Variants in SPATA6L observed in about 807,000 individuals in gnomAD.
SPATA6L encodes spermatogenesis associated 6 like.
Under a neutral mutation model 49.2 loss-of-function variants are expected in SPATA6L, and 68 were observed. The ratio of observed to expected loss-of-function variants is 1.38; its 90% CI spans 1.14 to 1.69. The LOEUF (loss-of-function observed/expected upper bound fraction) is 1.69. Among genes scored for constraint, SPATA6L ranks in the 40% most tolerant of loss-of-function variants. SPATA6L has a pLI of 0.00. For synonymous variants in SPATA6L, 198 were observed against 165.7 expected, an observed-to-expected ratio of 1.19 and a Z score of -1.50; for missense variants, 668 against 464.3, an observed-to-expected ratio of 1.44 and a Z score of -4.03.
chr9:4,635,451 T>A, intron 3 of SPATA6L, 52 bp from the exon 4 acceptor site: 1 of 1,530,572 alleles, frequency 6.5e-7, no homozygotes, highest in Non-Finnish European at 8.7e-7. Context: ...CCTCCAGGCT[T>A]AACAAAATAA....
Position 4,617,903 on chromosome 9 carries a change from G to T in SPATA6L, c.995+20C>A. ...CCACAATGCACTCGTCAGGCAAACA[G>T]ATGGGTGCTTGCCACTGACCTTTCT... On this transcript the variant is annotated intron_variant, in intron 9 of 11. Coordinates refer to ENST00000682582, the MANE Select transcript of SPATA6L (RefSeq NM_001353486.2). 1.3e-6 allele frequency: 2 copies of T among 1,576,426 alleles called. No individual in the cohort carries two copies. Among genetic ancestry groups the T allele is most frequent in the Non-Finnish European group, 1.7e-6 (2 of 1,157,212 alleles).
At chr9:4,620,878 T>A (rs1724739563) in intron 7 of SPATA6L, among the ~76,000 whole-genome samples, 2 of 152,172 alleles carry the variant, frequency 1.3e-5, no homozygotes, top group Admixed American at 1.3e-4. Context: ...GGAAAGACAA[T>A]GCTGCTTTAT....
At chr9:4,617,794 T>C (rs952247094) in intron 9 of SPATA6L, 129 bp downstream of exon 9, 1 of 722,176 alleles carries the variant, frequency 1.4e-6, no homozygotes, top group South Asian at 3.6e-5. Flanking sequence ...AAAGAAATAA[T>C]CATTTTTTCA....
chr9:4,607,920 C>T (rs1825714239), intron 9 of SPATA6L, among the ~76,000 whole-genome samples: 2 of 151,506 alleles, frequency 1.3e-5, no homozygotes, highest in Non-Finnish European at 2.9e-5. Flanking sequence ...CAGAGACACA[C>T]ATAGGCTCAA....
In SPATA6L at chr9:4,625,419, T is replaced by C. The variant is rs763750263; in HGVS notation, c.577A>G (p.Arg193Gly). ...QARAPSQYST[R>G]HFFQDQPAQL... The stretch of plus-strand genomic sequence containing the variant: ...GCTGGCTGGTCCTGGAAGAAATGCC[T>C]GGTAGAATATTGAGAGGGCGCCCGG... The change falls in exon 6 of 12, where the codon AGG becomes GGG. Residue 193 changes from arginine to glycine, a missense_variant. Coordinates refer to ENST00000682582, the MANE Select transcript of SPATA6L (RefSeq NM_001353486.2). 1.2e-6 allele frequency: 2 copies of C among 1,614,152 alleles called. No homozygotes were observed. Among genetic ancestry groups the C allele is most frequent in the Non-Finnish European group, 1.7e-6 (2 of 1,180,018 alleles).
intron 2 of SPATA6L, among the ~76,000 whole-genome samples, chr9:4,657,166 T>C (rs1241628262): frequency 1.3e-5 from 2 of 151,984 alleles, no homozygotes; most frequent in Admixed American, 6.6e-5. Context: ...CAGCAGAGCT[T>C]GATTTCAGGC....
chr9:4,664,358 T>G (rs1384547868), intron 1 of SPATA6L: 2 of 166,986 alleles, frequency 1.2e-5, no homozygotes, highest in Non-Finnish European at 2.9e-5. Context: ...GTTTTTCACA[T>G]GGAATTCCGT....
chr9:4,632,634 T>G (rs570863900), intron 4 of SPATA6L, among the ~76,000 whole-genome samples: 2 of 152,172 alleles, frequency 1.3e-5, no homozygotes, highest in African/African-American at 4.8e-5. Flanking sequence ...CTCTTTCATC[T>G]TAAACACTTT....
rs545196734 is a variant in SPATA6L at position 4,635,364 on chromosome 9, G to T, written c.262C>A (p.Arg88=). 1 of 1,590,100 alleles carries T rather than the reference G, an allele frequency of 6.3e-7. No homozygotes were observed. Among genetic ancestry groups the T allele is most frequent in the South Asian group, 1.1e-5 (1 of 87,582 alleles). Residue 88 remains arginine, a synonymous_variant, in exon 4 of 12, where the codon CGA becomes AGA. Transcript: ENST00000682582. ...DELAYYEENT[R]DFLFPEPKLT... ...TTGGGCTCTGGGAAAAGAAAATCTCGTGTGTTTTCTTCGTAGTAGGCCAAC... is the reference window on the plus strand; with the variant it reads ...TTGGGCTCTGGGAAAAGAAAATCTCTTGTGTTTTCTTCGTAGTAGGCCAAC...
chr9:4,630,455 TG>T (rs1203298790), intron 4 of SPATA6L, among the ~76,000 whole-genome samples: 10 of 152,196 alleles, frequency 6.6e-5, no homozygotes, highest in African/African-American at 2.2e-4. Context: ...GACTCACCAG[TG>T]GCCCCTCTGC....
In SPATA6L at chr9:4,616,092, T is replaced by A. The variant is rs139401756; in HGVS notation, c.995+1831A>T. Among the ~76,000 whole-genome samples the A allele has an allele frequency of 2.1e-4, 32 of 152,074 alleles. 2 individuals are homozygous for A. In the East Asian group the frequency reaches 6.2e-3, roughly 29 times the overall value. On this transcript the variant is annotated intron_variant, in intron 9 of 11. Coordinates refer to ENST00000682582, the MANE Select transcript of SPATA6L (RefSeq NM_001353486.2). Reference sequence around the variant, plus strand: ...TTTGAGAAGAGCCTGGGCAACACAGTGAGACCCCATCTTTACAAAAATAAA... The same window carrying A: ...TTTGAGAAGAGCCTGGGCAACACAGAGAGACCCCATCTTTACAAAAATAAA...
At chr9:4,616,672 G>A (rs574334209) in intron 9 of SPATA6L, among the ~76,000 whole-genome samples, 44 of 152,232 alleles carry the variant, frequency 2.9e-4, no homozygotes, top group African/African-American at 8.7e-4. Flanking sequence ...CCCAACCTCC[G>A]CCTCCCGGGT....
intron 3 of SPATA6L, among the ~76,000 whole-genome samples, chr9:4,655,233 C>T (rs1287048021): frequency 2.0e-5 from 3 of 152,186 alleles, no homozygotes; most frequent in Non-Finnish European, 4.4e-5. Context: ...TAAGTTCTGG[C>T]ACATGCTATA....
At position 4,666,395 on chromosome 9, in the gene SPATA6L, C is replaced by G; in HGVS notation, c.-145G>C. On this transcript the variant is annotated 5_prime_UTR_variant, in exon 1 of 12. Coordinates refer to ENST00000682582, the MANE Select transcript of SPATA6L (RefSeq NM_001353486.2). ...CCACGCCCTTGTTCCCCTACCGTCC[C>G]CCCCAGCCCAGGTCCCTCCCACCGG... 1 of 833,486 alleles carries G rather than the reference C, an allele frequency of 1.2e-6. No homozygotes were observed. Among genetic ancestry groups the G allele is most frequent in the Non-Finnish European group, 2.0e-6 (1 of 501,188 alleles). 51.6% of individuals were successfully genotyped at this position (833,486 alleles called of 1,614,324 possible).
At chr9:4,653,731 A>G (rs1185635094) in intron 3 of SPATA6L, among the ~76,000 whole-genome samples, 1 of 152,182 alleles carries the variant, frequency 6.6e-6, no homozygotes, top group Non-Finnish European at 1.5e-5. Context: ...GGAGTTCAAG[A>G]CCAGCTGGGC....
At chr9:4,626,618 A>G in intron 5 of SPATA6L, 1 of 1,219,624 alleles carries the variant, frequency 8.2e-7, no homozygotes, top group Admixed American at 2.8e-5. Context: ...TTTATCTTTC[A>G]GTCTTTCTTT....
intron 9 of SPATA6L, among the ~76,000 whole-genome samples, chr9:4,609,448 T>C (rs538113408): frequency 6.6e-6 from 1 of 152,306 alleles, no homozygotes; most frequent in African/African-American, 2.4e-5. Flanking sequence ...TTAACCACCA[T>C]GATCAAGTGG....
intron 5 of SPATA6L, 161 bp from the exon 6 acceptor site, chr9:4,625,727 T>C (rs528304402): frequency 0.019 from 9,621 of 497,982 alleles, 724 homozygotes; most frequent in African/African-American, 0.16. Flanking sequence ...TTTCTCTAAT[T>C]TTTTTCCTGT....
At chr9:4,636,928 C>A (rs895674366) in intron 3 of SPATA6L, among the ~76,000 whole-genome samples, 1 of 152,168 alleles carries the variant, frequency 6.6e-6, no homozygotes, top group Non-Finnish European at 1.5e-5. Flanking sequence ...ACTGCCATGG[C>A]TGTAGTTGAT....
Sources: allele counts gnomAD v4.1 joint callset (sites outside exome capture counted in the v4.1 genomes callset), GRCh38; gene constraint gnomAD v4.1.1; transcripts MANE v1.5; gene names NCBI Gene and HGNC (gene_info 2026-07-23, HGNC 2026-07-21).